Variants in DOK6 observed in about 807,000 individuals in gnomAD.
DOK6 encodes the protein docking protein 6.
DOK6 carries 22 observed loss-of-function variants against 44.0 expected under a neutral mutation model. The observed-to-expected ratio is 0.50, with a 90% CI of 0.36 to 0.71. The LOEUF is 0.71. DOK6 is among the 30% of genes least tolerant of loss of function. The pLI is 0.00. For synonymous variants in DOK6, 166 were observed against 145.5 expected, an observed-to-expected ratio of 1.14 and a Z score of -1.01; for missense variants, 340 against 416.4, an observed-to-expected ratio of 0.82 and a Z score of 1.60.
intron 6 of DOK6, among the ~76,000 whole-genome samples, chr18:69,745,524 G>C (rs987456527): frequency 6.6e-6 from 1 of 152,160 alleles, no homozygotes; most frequent in African/African-American, 2.4e-5. Flanking sequence ...TATAAGCATT[G>C]CCTGGGAGGA....
intron 7 of DOK6, among the ~76,000 whole-genome samples, chr18:69,839,246 T>G (rs1399579540): frequency 7.7e-6 from 1 of 129,218 alleles, no homozygotes; most frequent in African/African-American, 3.1e-5. Context: ...CCCTAGTCCC[T>G]CCCCTAGTCT....
chr18:69,695,041 T>A (rs1986360258), intron 4 of DOK6, among the ~76,000 whole-genome samples: 1 of 152,200 alleles, frequency 6.6e-6, no homozygotes, highest in Non-Finnish European at 1.5e-5. Context: ...AGATAACACT[T>A]TTGAAAAAAG....
chr18:69,781,167 T>C (rs1488468712), intron 7 of DOK6: 1 of 152,172 alleles, frequency 6.6e-6, no homozygotes, highest in Admixed American at 6.5e-5. Context: ...GAAGACAGTT[T>C]TTTCTAGACT....
intron 7 of DOK6, among the ~76,000 whole-genome samples, chr18:69,828,295 T>C (rs1981800348): frequency 6.6e-6 from 1 of 151,874 alleles, no homozygotes; most frequent in Admixed American, 6.6e-5. Flanking sequence ...TTATATAATG[T>C]TTTCACTTAG....
intron 1 of DOK6, among the ~76,000 whole-genome samples, chr18:69,484,191 A>G (rs1980508799): frequency 6.6e-6 from 1 of 152,054 alleles, no homozygotes; most frequent in Non-Finnish European, 1.5e-5. Context: ...CTAAAATCCG[A>G]GACTGGCTGA....
At chr18:69,803,794 G>A (rs1350009441) in intron 7 of DOK6, among the ~76,000 whole-genome samples, 1 of 152,138 alleles carries the variant, frequency 6.6e-6, no homozygotes, top group Non-Finnish European at 1.5e-5. Flanking sequence ...GGGAGGCAGA[G>A]GTTGCAGTGA....
At chr18:69,792,679 T>C (rs1389940882) in intron 7 of DOK6, among the ~76,000 whole-genome samples, 15 of 152,126 alleles carry the variant, frequency 9.9e-5, no homozygotes, top group Admixed American at 5.9e-4. Flanking sequence ...CTTTATTTCT[T>C]TCTGTTGTCT....
In DOK6 at chr18:69,569,191, G is replaced by T. The variant is rs181006706; in HGVS notation, c.174+4597G>T. 5.0e-4 allele frequency among the ~76,000 whole-genome samples: 76 copies of T among 152,260 alleles called. 1 individual carries two copies. Among genetic ancestry groups the T allele is most frequent in the Admixed American group, 4.6e-3 (70 of 15,284 alleles). ...AAACCAGGAGAAATCTAGGCTGCCAGAAAGGGAGGAAGAAACTCCACCAAA... is the reference window on the plus strand; with the variant it reads ...AAACCAGGAGAAATCTAGGCTGCCATAAAGGGAGGAAGAAACTCCACCAAA... On this transcript the variant is annotated intron_variant, in intron 2 of 7. Transcript: ENST00000382713.
intron 2 of DOK6, among the ~76,000 whole-genome samples, chr18:69,572,398 T>C (rs1211059817): frequency 1.3e-5 from 2 of 152,066 alleles, no homozygotes; most frequent in Non-Finnish European, 1.5e-5. Context: ...GTAAAAATCA[T>C]AAGCTTTTAC....
intron 2 of DOK6, among the ~76,000 whole-genome samples, chr18:69,591,181 G>C (rs1983613551): frequency 6.6e-6 from 1 of 152,098 alleles, no homozygotes; most frequent in South Asian, 2.1e-4. Context: ...GAAGTAGTAA[G>C]AAATACTAAT....
At chr18:69,636,759 G>T (rs575831829) in intron 3 of DOK6, among the ~76,000 whole-genome samples, 1 of 152,236 alleles carries the variant, frequency 6.6e-6, no homozygotes, top group South Asian at 2.1e-4. Context: ...TATGATCAGG[G>T]CTACCAGAAA....
At chr18:69,590,920 T>C (rs1260565842) in intron 2 of DOK6, among the ~76,000 whole-genome samples, 3 of 152,162 alleles carry the variant, frequency 2.0e-5, no homozygotes, top group Non-Finnish European at 4.4e-5. Context: ...GAAAAGTGGA[T>C]CTCAGAGTGG....
chr18:69,589,987 T>C (rs970292840), intron 2 of DOK6, among the ~76,000 whole-genome samples: 2 of 152,046 alleles, frequency 1.3e-5, no homozygotes, highest in Non-Finnish European at 2.9e-5. Flanking sequence ...TATTTATAAC[T>C]CCTAAAATAT....
intron 5 of DOK6, among the ~76,000 whole-genome samples, chr18:69,735,602 G>A (rs1978579233): frequency 6.6e-6 from 1 of 152,244 alleles, no homozygotes; most frequent in African/African-American, 2.4e-5. Context: ...CCTGAGCCTT[G>A]ATGTCCAAGG....
At chr18:69,416,886 C>G (rs1978355257) in intron 1 of DOK6, among the ~76,000 whole-genome samples, 1 of 148,288 alleles carries the variant, frequency 6.7e-6, no homozygotes, top group Non-Finnish European at 1.5e-5. Context: ...CTTTGGTCTC[C>G]TAAACCATTT....
At chr18:69,801,574 A>G (rs1183717638) in intron 7 of DOK6, among the ~76,000 whole-genome samples, 1 of 152,142 alleles carries the variant, frequency 6.6e-6, no homozygotes, top group Non-Finnish European at 1.5e-5. Context: ...CTGTGGTCCC[A>G]TTGTAATGAC....
At chr18:69,756,013 G>A (rs146415359) in intron 6 of DOK6, among the ~76,000 whole-genome samples, 26 of 152,276 alleles carry the variant, frequency 1.7e-4, no homozygotes, top group African/African-American at 2.9e-4. Context: ...TGGTGGCTCC[G>A]CCCCATTTTT....
rs545551969 is a variant in DOK6 at position 69,548,925 on chromosome 18, C to G, written c.67-15562C>G. On this transcript the variant is annotated intron_variant, in intron 1 of 7. Transcript: ENST00000382713. Reference sequence around the variant, plus strand: ...TGGCTAACATGGTGAAACCCCGTCTCTACTAAAAATACAAAAAAAATTAGC... The same window carrying G: ...TGGCTAACATGGTGAAACCCCGTCTGTACTAAAAATACAAAAAAAATTAGC... Among the ~76,000 whole-genome samples, 158 of 151,214 alleles carry G rather than the reference C, an allele frequency of 1.0e-3. 1 individual carries two copies. Among genetic ancestry groups the G allele is most frequent in the African/African-American group, 3.6e-3 (149 of 41,430 alleles).
chr18:69,646,240 A>G (rs1985069611), intron 3 of DOK6, among the ~76,000 whole-genome samples: 1 of 152,074 alleles, frequency 6.6e-6, no homozygotes. Flanking sequence ...AGGGATTCCA[A>G]TTATGCATAT....
Sources: gnomAD v4.1 joint callset for allele counts (sites outside exome capture counted in the v4.1 genomes callset) on GRCh38, gnomAD v4.1.1 for gene constraint, MANE v1.5 for transcripts, NCBI Gene and HGNC (gene_info 2026-07-23, HGNC 2026-07-21) for gene names.